Variants in LRP1-AS observed in about 807,000 individuals in gnomAD.
The protein encoded by LRP1-AS is LRP1 antisense RNA.
intron 1 of LRP1-AS, chr12:57,146,820 A>G (rs375436652): frequency 1.3e-5 from 2 of 152,340 alleles, no homozygotes; most frequent in Non-Finnish European, 2.9e-5. Context: ...AGGGAACCCC[A>G]TGGCTGATGG....
chr12:57,146,904 C>A (rs1000570746), intron 1 of LRP1-AS, among the ~76,000 whole-genome samples: 1 of 151,652 alleles, frequency 6.6e-6, no homozygotes, highest in Non-Finnish European at 1.5e-5. Context: ...ACTCAACAGG[C>A]CTGTCTGGGC....
At chr12:57,145,329 C>T (rs138733357) in intron 1 of LRP1-AS, 28 of 1,614,044 alleles carry the variant, frequency 1.7e-5, no homozygotes, top group East Asian at 6.7e-5. Context: ...CCTACGAGCA[C>T]GCGGCAGACC....
exon 2 of LRP1-AS, chr12:57,144,934 C>G (rs1171804346): frequency 1.2e-6 from 2 of 1,604,752 alleles, no homozygotes; most frequent in Non-Finnish European, 1.7e-6. Context: ...GCCCTTGTCA[C>G]ACTGGAAATG....
exon 2 of LRP1-AS, chr12:57,144,981 A>C: frequency 6.2e-7 from 1 of 1,613,816 alleles, no homozygotes; most frequent in South Asian, 1.1e-5. Context: ...GATTTTGATG[A>C]GTGCTCAGTG....
chr12:57,145,974 G>A (rs575030965), intron 1 of LRP1-AS, among the ~76,000 whole-genome samples: 1 of 152,276 alleles, frequency 6.6e-6, no homozygotes, highest in African/African-American at 2.4e-5. Flanking sequence ...TGCCATCGGG[G>A]GAGGGCAGTA....
chr12:57,145,128 G>C lies in LRP1-AS; in HGVS notation n.182-45C>G, dbSNP rs759133593. 5.6e-6 allele frequency: 9 copies of C among 1,613,754 alleles called. No individual in the cohort carries two copies. The South Asian group carries it at 7.7e-5, about 14-fold the overall frequency. The stretch of plus-strand genomic sequence containing the variant: ...GGGTGGGGTTGCCTCTGGCCACAGT[G>C]CTAACTAAGCCCCCTCAATGCTGTT... On this transcript the variant is annotated intron_variant and non_coding_transcript_variant, in intron 1 of 1. Coordinates refer to ENST00000555461, the Ensembl canonical transcript of LRP1-AS.
At chr12:57,146,532 A>C (rs2035409616) in intron 1 of LRP1-AS, 1 of 152,212 alleles carries the variant, frequency 6.6e-6, no homozygotes, top group African/African-American at 2.4e-5. Context: ...TGTGATGAAA[A>C]GAAAGATCCC....
intron 1 of LRP1-AS, chr12:57,145,214 T>C: frequency 6.2e-7 from 1 of 1,613,976 alleles, no homozygotes; most frequent in Non-Finnish European, 8.5e-7. Context: ...ACTCTTCTCT[T>C]CCCCATTCCC....
At chr12:57,145,128 G>A in intron 1 of LRP1-AS, 1 of 1,613,754 alleles carries the variant, frequency 6.2e-7, no homozygotes, top group Non-Finnish European at 8.5e-7. Flanking sequence ...TGGCCACAGT[G>A]CTAACTAAGC....
At chr12:57,145,051 T>G in exon 2 of LRP1-AS, 1 of 1,614,108 alleles carries the variant, frequency 6.2e-7, no homozygotes, top group Non-Finnish European at 8.5e-7. Flanking sequence ...GTGGCTGTGT[T>G]GAAGGATACC....
At chr12:57,147,568 C>T (rs1412660514) in exon 1 of LRP1-AS, 3 of 152,254 alleles carry the variant, frequency 2.0e-5, no homozygotes. Context: ...TGTGCTGTGA[C>T]TGTGACCTCT....
exon 2 of LRP1-AS, chr12:57,144,889 C>T: frequency 7.4e-7 from 1 of 1,349,886 alleles, no homozygotes; most frequent in South Asian, 1.2e-5. Flanking sequence ...TAAGGATGGA[C>T]ATGTTGATCA....
chr12:57,145,332 G>A lies in LRP1-AS; in HGVS notation n.182-249C>T, dbSNP rs756612365. ...TCTACCATCACACCTACGAGCACGC[G>A]GCAGACCACAGCCATGGACTTCAGC... On this transcript the variant is annotated intron_variant and non_coding_transcript_variant, in intron 1 of 1. Transcript: ENST00000555461. The A allele has an allele frequency of 2.9e-5, 47 of 1,614,016 alleles. No homozygotes were observed. The highest frequency in any genetic ancestry group is 3.3e-5 in the Non-Finnish European group (39 of 1,180,048).
At chr12:57,145,488 A>G (rs2035386461) in intron 1 of LRP1-AS, 20 of 1,612,306 alleles carry the variant, frequency 1.2e-5, no homozygotes, top group Non-Finnish European at 1.7e-5. Flanking sequence ...CTCAGTCTGC[A>G]CCGTGAGTCA....
intron 1 of LRP1-AS, among the ~76,000 whole-genome samples, chr12:57,147,235 C>T (rs921783813): frequency 1.3e-5 from 2 of 152,048 alleles, no homozygotes; most frequent in African/African-American, 4.8e-5. Flanking sequence ...CCTCCCCCTG[C>T]TCCACGTCCC....
intron 1 of LRP1-AS, chr12:57,145,172 T>C: frequency 5.6e-6 from 9 of 1,613,304 alleles, no homozygotes; most frequent in Non-Finnish European, 6.8e-6. Flanking sequence ...GGTGGTGGCC[T>C]GAGAGGTGGT....
At chr12:57,146,225 AG>A (rs201125804) in intron 1 of LRP1-AS, among the ~76,000 whole-genome samples, 1 of 150,114 alleles carries the variant, frequency 6.7e-6, no homozygotes, top group East Asian at 2.0e-4. Context: ...CAACCTTAAA[AG>A]TCAACATCTG....
chr12:57,145,665 C>T (rs1474123328), intron 1 of LRP1-AS, among the ~76,000 whole-genome samples: 1 of 152,170 alleles, frequency 6.6e-6, no homozygotes, highest in Non-Finnish European at 1.5e-5. Context: ...CACCGGCACG[C>T]TCCCTCCCAG....
intron 1 of LRP1-AS, chr12:57,145,143 T>A: frequency 6.2e-7 from 1 of 1,613,548 alleles, no homozygotes; most frequent in Non-Finnish European, 8.5e-7. Context: ...CTAAGCCCCC[T>A]CAATGCTGTT....
Sources: gnomAD v4.1 joint callset for allele counts (sites outside exome capture counted in the v4.1 genomes callset) on GRCh38, gnomAD v4.1.1 for gene constraint, MANE v1.5 for transcripts, NCBI Gene and HGNC (gene_info 2026-07-23, HGNC 2026-07-21) for gene names.